The following ZNF569 variants were observed in gnomAD, a reference collection of about 807,000 sequenced individuals.
The protein encoded by ZNF569 is DNA-binding protein.
A neutral mutation model predicts 56.3 loss-of-function variants in ZNF569; 38 were observed. The ratio of observed to expected loss-of-function variants is 0.68; its 90% CI spans 0.52 to 0.88. The LOEUF (loss-of-function observed/expected upper bound fraction) is 0.88. ZNF569 is among the 40% of genes least tolerant of loss of function. The probability of loss-of-function intolerance (pLI) is 0.00; values close to 1 mark genes in which losing one functional copy is unlikely to be tolerated. For synonymous variants in ZNF569, 241 were observed against 262.9 expected (o/e 0.92, Z 0.81); for missense variants, 666 against 809.2 (o/e 0.82, Z 2.15).
At chr19:37,417,257 T>C (rs1341100685) in intron 5 of ZNF569, among the ~76,000 whole-genome samples, 1 of 152,018 alleles carries the variant, frequency 6.6e-6, no homozygotes, top group African/African-American at 2.4e-5. Flanking sequence ...ACTGTGAGAA[T>C]AGTTATTTTT....
chr19:37,456,487 G>T (rs552532589), intron 2 of ZNF569, among the ~76,000 whole-genome samples: 1 of 151,966 alleles, frequency 6.6e-6, no homozygotes, highest in Non-Finnish European at 1.5e-5. Flanking sequence ...TGTTTGAGAA[G>T]GAAGCTCCCA....
chr19:37,428,232 C>T (rs956081729), intron 3 of ZNF569, among the ~76,000 whole-genome samples: 4 of 152,136 alleles, frequency 2.6e-5, no homozygotes, highest in Admixed American at 1.3e-4. Flanking sequence ...TGGAGCTAGG[C>T]GCGGTGGCTC....
chr19:37,426,296 T>C lies in ZNF569; in HGVS notation c.98A>G (p.Tyr33Cys). 1 of 1,613,794 alleles carries C rather than the reference T, an allele frequency of 6.2e-7. No individual in the cohort carries two copies. Among genetic ancestry groups the C allele is most frequent in the Non-Finnish European group, 8.5e-7 (1 of 1,179,876 alleles). Residue 33 changes from tyrosine (Y) to cysteine (C), a missense_variant, in exon 4 of 6, where the codon TAC becomes TGC. By Grantham distance (194) the Tyr-to-Cys change is radical. Coordinates refer to ENST00000316950, the MANE Select transcript of ZNF569 (RefSeq NM_152484.3). ...ATAGTTTTCTAGCATCACATTCCGG[T>C]ACAGTTTTCTCTGAGCAGGATCCAA... ...KRLDPAQRKL[Y>C]RNVMLENYNN...
chr19:37,426,070 G>A (rs2041126818), intron 4 of ZNF569, 107 bp from the exon 5 acceptor site: 1 of 1,358,098 alleles, frequency 7.4e-7, no homozygotes, highest in Non-Finnish European at 1.0e-6. Context: ...AAGAAAATGT[G>A]GCTTCGGGGG....
Position 37,414,077 on chromosome 19 carries a change from C to G in ZNF569, c.581G>C (p.Gly194Ala). ...GATGAGGTCCAAAGTCTGATTGAAG[C>G]CTTTTCCACAATGATTACACTTAAA... is the stretch of plus-strand genomic sequence containing the variant. Reference protein sequence around the residue: ...TPFKCNHCGKGFNQTLDLIRH... With the variant: ...TPFKCNHCGKAFNQTLDLIRH... Residue 194 changes from glycine (G) to alanine (A), a missense_variant, in exon 6 of 6, where the codon GGC (glycine) becomes GCC (alanine). Coordinates refer to ENST00000316950, the MANE Select transcript of ZNF569 (RefSeq NM_152484.3). 6.2e-7 allele frequency: 1 copy of G among 1,613,626 alleles called. No homozygotes were observed. The highest frequency in any genetic ancestry group is 1.1e-5 in the South Asian group (1 of 91,068).
upstream of ZNF569, chr19:37,467,936 A>G (rs1300000173): frequency 2.0e-6 from 3 of 1,536,048 alleles, no homozygotes; most frequent in Non-Finnish European, 2.6e-6. Context: ...TGTGAGTGTG[A>G]CAGTGTTATT....
intron 4 of ZNF569, 42 bp downstream of exon 4, chr19:37,426,210 C>G: frequency 6.4e-7 from 1 of 1,565,132 alleles, no homozygotes; most frequent in Non-Finnish European, 8.6e-7. Flanking sequence ...AAAAAAGGTA[C>G]TTTCTTTCCA....
intron 2 of ZNF569, among the ~76,000 whole-genome samples, chr19:37,457,077 C>T (rs1271625597): frequency 6.6e-6 from 1 of 151,590 alleles, no homozygotes; most frequent in Non-Finnish European, 1.5e-5. Context: ...AGCATTGCCA[C>T]ATTTTTCTAC....
At chr19:37,431,147 C>G (rs916905057) in intron 3 of ZNF569, among the ~76,000 whole-genome samples, 3 of 152,118 alleles carry the variant, frequency 2.0e-5, no homozygotes, top group Non-Finnish European at 4.4e-5. Context: ...CTGGGCAAGT[C>G]CTGGTGCTGT....
chr19:37,441,109 C>A (rs1011035335), intron 3 of ZNF569, among the ~76,000 whole-genome samples: 3 of 152,082 alleles, frequency 2.0e-5, no homozygotes, highest in Non-Finnish European at 4.4e-5. Context: ...AAAGGAAAGA[C>A]AGAGGAGAAG....
At chr19:37,428,153 C>CAA (rs1312355265) in intron 3 of ZNF569, among the ~76,000 whole-genome samples, 2 of 151,990 alleles carry the variant, frequency 1.3e-5, no homozygotes, top group African/African-American at 4.8e-5. Context: ...TTAGTAAATG[C>CAA]AAAAACAGAA....
At chr19:37,451,076 G>T (rs2041583521) in intron 2 of ZNF569, among the ~76,000 whole-genome samples, 1 of 152,126 alleles carries the variant, frequency 6.6e-6, no homozygotes, top group Non-Finnish European at 1.5e-5. Context: ...TACTGGAGAA[G>T]AATATGTATT....
intron 3 of ZNF569, 116 bp from the exon 4 acceptor site, chr19:37,426,494 TAGC>T (rs1408725056): frequency 1.8e-6 from 2 of 1,130,354 alleles, no homozygotes; most frequent in East Asian, 5.3e-5. Flanking sequence ...CCCATCATAT[TAGC>T]AGCATCCTGT....
At chr19:37,425,281 A>G (rs151122736) in intron 5 of ZNF569, among the ~76,000 whole-genome samples, 1 of 151,110 alleles carries the variant, frequency 6.6e-6, no homozygotes, top group Non-Finnish European at 1.5e-5. Context: ...CCTTCCAAGC[A>G]GCTGGGATCA....
chr19:37,443,982 C>T (rs1005050891), intron 3 of ZNF569, among the ~76,000 whole-genome samples: 3 of 152,118 alleles, frequency 2.0e-5, no homozygotes, highest in Non-Finnish European at 2.9e-5. Context: ...CGTGCCATTG[C>T]ACTCCAGCTT....
chr19:37,414,512 A>T, intron 5 of ZNF569, 93 bp from the exon 6 acceptor site: 1 of 1,470,334 alleles, frequency 6.8e-7, no homozygotes, highest in Non-Finnish European at 9.0e-7. Flanking sequence ...TATGGGACTG[A>T]TTATTGGTTT....
At chr19:37,455,716 A>G (rs978274416) in intron 2 of ZNF569, among the ~76,000 whole-genome samples, 1 of 151,968 alleles carries the variant, frequency 6.6e-6, no homozygotes, top group Non-Finnish European at 1.5e-5. Context: ...TCTTCTCTCC[A>G]CTATTTCCAT....
chr19:37,455,145 G>T (rs2041652668), intron 2 of ZNF569: 2 of 359,182 alleles, frequency 5.6e-6, no homozygotes, highest in Non-Finnish European at 5.0e-6. Flanking sequence ...TTGTCATGGG[G>T]CTCAAAAATA....
intron 2 of ZNF569, among the ~76,000 whole-genome samples, chr19:37,445,629 A>C (rs188975170): frequency 6.6e-6 from 1 of 152,346 alleles, no homozygotes; most frequent in East Asian, 1.9e-4. Flanking sequence ...TACACAAATC[A>C]GTAGCCCTGC....
Sources: gnomAD v4.1 joint callset for allele counts (sites outside exome capture counted in the v4.1 genomes callset) on GRCh38, gnomAD v4.1.1 for gene constraint, MANE v1.5 for transcripts, NCBI Gene and HGNC (gene_info 2026-07-23, HGNC 2026-07-21) for gene names.